The following DSCAML1 variants were observed in gnomAD, a reference collection of about 807,000 sequenced individuals.
DSCAML1 encodes the protein cell adhesion molecule DSCAML1.
Under a neutral mutation model 200.5 loss-of-function variants are expected in DSCAML1, and 38 were observed. That is an observed-to-expected ratio of 0.19 (90% CI 0.15 to 0.25). The LOEUF is 0.25. DSCAML1 is among the 10% of genes least tolerant of loss of function. The pLI is 1.00. For synonymous variants in DSCAML1, 1,215 were observed against 1,165.0 expected (o/e 1.04, Z -0.87); for missense variants, 2,223 against 2,858.8 (o/e 0.78, Z 5.07).
chr11:117,610,081 G>T (rs192998982), intron 3 of DSCAML1, among the ~76,000 whole-genome samples: 1 of 152,130 alleles, frequency 6.6e-6, no homozygotes, highest in Non-Finnish European at 1.5e-5. Context: ...CTGCCCCCTC[G>T]AGGAGGCACC....
chr11:117,775,149 G>A lies in DSCAML1; in HGVS notation c.511+1642C>T, dbSNP rs189715173. On this transcript the variant is annotated intron_variant, in intron 3 of 32. Coordinates refer to ENST00000651296, the MANE Select transcript of DSCAML1 (RefSeq NM_020693.4). ...CTTCTCCCAGGGTATGCCAAGGTCC[G>A]AGGTACCTCTGCTCCTCACCAGCCC... is the stretch of plus-strand genomic sequence containing the variant. Among the ~76,000 whole-genome samples the A allele has an allele frequency of 1.4e-3, 220 of 152,272 alleles. 7 individuals carry two copies. In the South Asian group the frequency reaches 0.043, roughly 30 times the overall value.
rs2047956833 is a variant in DSCAML1 at position 117,437,979 on chromosome 11, A to G, written c.4348T>C (p.Trp1450Arg). ...FKLDSLKCGT[W>R]YKVKLAAKNS... ...TTGGCTGCCAGCTTCACCTTGTACC[A>G]CGTGCCACACTTGAGGCTGTCCAGC... The change falls in exon 25 of 33, where the codon TGG (tryptophan) becomes CGG (arginine). Residue 1450 changes from tryptophan (W) to arginine (R), a missense_variant. Coordinates refer to ENST00000651296, the MANE Select transcript of DSCAML1 (RefSeq NM_020693.4). This position sits in a 1 kb window ranked among gnomAD's most constrained non-coding sequence, Gnocchi z 5.3. 6.2e-7 allele frequency: 1 copy of G among 1,613,872 alleles called. No individual in the cohort carries two copies. Among genetic ancestry groups the G allele is most frequent in the South Asian group, 1.1e-5 (1 of 91,074 alleles).
At chr11:117,521,105 C>T in intron 6 of DSCAML1, 25 bp downstream of exon 6, 1 of 1,606,384 alleles carries the variant, frequency 6.2e-7, no homozygotes, top group Non-Finnish European at 8.5e-7. Flanking sequence ...GAACCCGCCC[C>T]CTGTGTCCTG....
chr11:117,431,569 C>T lies in DSCAML1; in HGVS notation c.5339G>A (p.Ser1780Asn). Residue 1780 changes from serine (S) to asparagine (N), a missense_variant, in exon 31 of 33, where the codon AGT becomes AAT. Ser to Asn is a conservative substitution (Grantham distance 46). Around this residue, in one of 7 missense-constraint regions of DSCAML1, gnomAD observed 614 missense variants for 739.1 expected, o/e 0.83. Transcript: ENST00000651296. The part of the protein sequence containing the change: ...GSQHGVTVTE[S>N]DSYSASLSQD... ...GGACAGGCTGGCACTGTAGCTGTCA[C>T]TCTCAGTGACCGTGACACCATGCTG... The T allele has an allele frequency of 6.2e-7, 1 of 1,604,896 alleles. No homozygotes were observed. The highest frequency in any genetic ancestry group is 1.1e-5 in the South Asian group (1 of 89,388).
intron 17 of DSCAML1, among the ~76,000 whole-genome samples, chr11:117,462,819 C>T (rs954343201): frequency 2.6e-5 from 4 of 152,218 alleles, no homozygotes; most frequent in Admixed American, 2.6e-4. Flanking sequence ...CAGGATCTGA[C>T]AGGCTAACGA....
intron 3 of DSCAML1, among the ~76,000 whole-genome samples, chr11:117,690,939 A>G (rs1036274533): frequency 2.0e-5 from 3 of 152,196 alleles, no homozygotes; most frequent in African/African-American, 7.2e-5. Flanking sequence ...AGGGTTCCAC[A>G]GCTAAAACCT....
rs990468955 is a variant in DSCAML1, at chr11:117,489,027, C to T, written c.2360-6865G>A. On this transcript the variant is annotated intron_variant, in intron 11 of 32. Transcript: ENST00000651296. The surrounding 1 kb of genome is among the most constrained non-coding windows in gnomAD (Gnocchi z 4.8). ...TTCAGTGGTTCCTCCCAACAGCAAC[C>T]ACGAAAGCAAGTCTTATCATCTCCA... Among the ~76,000 whole-genome samples, 3 of 152,232 alleles carry T rather than the reference C, an allele frequency of 2.0e-5. No homozygotes were observed. The highest frequency in any genetic ancestry group is 1.5e-5 in the Non-Finnish European group (1 of 68,050).
rs114011328 is a variant in DSCAML1, at chr11:117,556,130, C to T, written c.512-23608G>A. Among the ~76,000 whole-genome samples, 504 of 152,202 alleles carry T rather than the reference C, an allele frequency of 3.3e-3. 3 individuals are homozygous for T. The highest frequency in any genetic ancestry group is 0.012 in the African/African-American group (480 of 41,496). On this transcript the variant is annotated intron_variant, in intron 3 of 32. Transcript: ENST00000651296. ...TTAATCCCAGCACCAATCTCAGAGG[C>T]GCGTTATGAGAATTACAGGAGATGA... is the stretch of plus-strand genomic sequence containing the variant.
At chr11:117,697,692 T>C (rs1293132794) in intron 3 of DSCAML1, among the ~76,000 whole-genome samples, 2 of 152,192 alleles carry the variant, frequency 1.3e-5, no homozygotes, top group African/African-American at 4.8e-5. Context: ...TCATACAGTA[T>C]TGGTCCTTTT....
intron 4 of DSCAML1, among the ~76,000 whole-genome samples, chr11:117,528,889 C>A (rs4938400): frequency 0.16 from 24,912 of 151,746 alleles, 2,254 homozygotes; most frequent in South Asian, 0.31. Context: ...GCAACTGCCT[C>A]TGCAACTTGG....
chr11:117,537,820 G>C (rs2050196659), intron 3 of DSCAML1, among the ~76,000 whole-genome samples: 1 of 152,242 alleles, frequency 6.6e-6, no homozygotes, highest in African/African-American at 2.4e-5. Flanking sequence ...CCAGAAGCTA[G>C]GAGAGGCCAG....
intron 21 of DSCAML1, among the ~76,000 whole-genome samples, chr11:117,440,783 C>T (rs1432461338): frequency 5.3e-5 from 8 of 151,858 alleles, no homozygotes; most frequent in African/African-American, 9.7e-5. Flanking sequence ...TAGCCGGGCA[C>T]GATGGCAGGT....
At chr11:117,441,554 G>A (rs972688675) in intron 21 of DSCAML1, among the ~76,000 whole-genome samples, 7 of 152,188 alleles carry the variant, frequency 4.6e-5, no homozygotes, top group African/African-American at 1.4e-4. Flanking sequence ...AGTGTGGTGG[G>A]TGGGTAAATG....
At position 117,443,883 on chromosome 11, in the gene DSCAML1, C is replaced by A. The variant is rs1342870934; in HGVS notation, c.3862+3G>T. On this transcript the variant is annotated splice_donor_region_variant and intron_variant, in intron 21 of 32. Transcript: ENST00000651296. ...CCCTCTGCCACAGCCTCAGGCTTCTCACCCTTGCCAGCAGGCTCGATGGTC... is the reference window on the plus strand; with the variant it reads ...CCCTCTGCCACAGCCTCAGGCTTCTAACCCTTGCCAGCAGGCTCGATGGTC... The A allele has an allele frequency of 1.3e-6, 2 of 1,599,346 alleles. No individual in the cohort carries two copies. Among genetic ancestry groups the A allele is most frequent in the South Asian group, 1.1e-5 (1 of 90,030 alleles).
intron 14 of DSCAML1, among the ~76,000 whole-genome samples, chr11:117,476,927 G>A (rs946042586): frequency 3.9e-5 from 6 of 152,148 alleles, no homozygotes; most frequent in African/African-American, 1.4e-4. Context: ...AGTGGAGAAG[G>A]GAAGCAGAGA....
intron 8 of DSCAML1, among the ~76,000 whole-genome samples, chr11:117,514,610 T>TTCA (rs2049719912): frequency 6.8e-6 from 1 of 146,202 alleles, no homozygotes; most frequent in African/African-American, 2.5e-5. Flanking sequence ...GAGATGGAGT[T>TTCA]TCACTCTTGT....
At chr11:117,461,397 C>T in intron 18 of DSCAML1, 53 bp downstream of exon 18, 1 of 1,611,636 alleles carries the variant, frequency 6.2e-7, no homozygotes, top group African/African-American at 1.3e-5. Context: ...AAGCAGACTC[C>T]ACTGACCTGC....
intron 11 of DSCAML1, among the ~76,000 whole-genome samples, chr11:117,485,805 G>C (rs2049035911): frequency 6.6e-6 from 1 of 152,254 alleles, no homozygotes; most frequent in Admixed American, 6.5e-5. Context: ...CTGTGGTACT[G>C]AAAGCAAATG....
chr11:117,470,106 G>C, intron 15 of DSCAML1, 126 bp from the exon 16 acceptor site: 1 of 756,762 alleles, frequency 1.3e-6, no homozygotes, highest in East Asian at 2.9e-5. Context: ...CTCAGATGCA[G>C]ATAGCAGAGA....
Sources: gnomAD v4.1 joint callset for allele counts (sites outside exome capture counted in the v4.1 genomes callset) on GRCh38, gnomAD v4.1.1 for gene constraint, gnomAD v4.1.1 regional missense constraint, Gnocchi (gnomAD v3.1) non-coding constraint, MANE v1.5 for transcripts, NCBI Gene and HGNC (gene_info 2026-07-23, HGNC 2026-07-21) for gene names.